SPEF2: variants seen among roughly 807,000 people sequenced by gnomAD.
SPEF2 encodes sperm flagellar and cilia associated 2.
A neutral mutation model predicts 224.6 loss-of-function variants in SPEF2; 187 were observed. The ratio of observed to expected loss-of-function variants is 0.83; its 90% CI spans 0.74 to 0.94. The LOEUF is 0.94. SPEF2 is among the 40% of genes least tolerant of loss of function. The probability of loss-of-function intolerance (pLI) is 0.00; values close to 1 mark genes in which losing one functional copy is unlikely to be tolerated. For missense variants in SPEF2, 2,170 were observed against 2,135.6 expected, an observed-to-expected ratio of 1.02 and a Z score of -0.32; for synonymous variants, 715 against 707.3, an observed-to-expected ratio of 1.01 and a Z score of -0.17.
chr5:35,669,171 TC>T (rs1402962426), intron 9 of SPEF2, among the ~76,000 whole-genome samples: 4 of 152,150 alleles, frequency 2.6e-5, no homozygotes, highest in African/African-American at 4.8e-5. Context: ...AATATATTTG[TC>T]CTTTTTCTGT....
chr5:35,695,890 A>G (rs955297128), intron 14 of SPEF2, 94 bp downstream of exon 14: 2 of 863,942 alleles, frequency 2.3e-6, no homozygotes, highest in Admixed American at 2.7e-5. Context: ...TGAAATTGCA[A>G]TGTGCTCTTC....
chr5:35,722,094 G>GAA (rs112401540), intron 20 of SPEF2, among the ~76,000 whole-genome samples: 1 of 143,960 alleles, frequency 6.9e-6, no homozygotes, highest in African/African-American at 2.5e-5. Flanking sequence ...GAAGAGGAAA[G>GAA]AAAAAAAAAA....
At chr5:35,733,341 C>T (rs145285156) in intron 21 of SPEF2, among the ~76,000 whole-genome samples, 2,675 of 152,246 alleles carry the variant, frequency 0.018, 41 homozygotes, top group East Asian at 0.065. Flanking sequence ...GTCGCGATCT[C>T]CTCACCTCGT....
intron 15 of SPEF2, chr5:35,698,367 A>C (rs944311178): frequency 6.6e-6 from 1 of 152,186 alleles, no homozygotes; most frequent in Admixed American, 6.6e-5. Context: ...TGACATTAAA[A>C]ATTTAAGTTG....
intron 33 of SPEF2, among the ~76,000 whole-genome samples, 186 bp from the exon 34 acceptor site, chr5:35,799,780 GCC>G (rs966541888): frequency 6.6e-6 from 1 of 151,910 alleles, no homozygotes; most frequent in Non-Finnish European, 1.5e-5. Context: ...ATATTTCAGG[GCC>G]CCACTTTTAC....
At chr5:35,687,487 T>C (rs1360105325) in intron 10 of SPEF2, among the ~76,000 whole-genome samples, 1 of 152,090 alleles carries the variant, frequency 6.6e-6, no homozygotes, top group East Asian at 1.9e-4. Flanking sequence ...AGATGGAGTC[T>C]AGCTCTGTCG....
chr5:35,742,709 AG>A (rs1747856405), intron 23 of SPEF2, among the ~76,000 whole-genome samples: 1 of 151,872 alleles, frequency 6.6e-6, no homozygotes, highest in South Asian at 2.1e-4. Context: ...TTTCTGCTGG[AG>A]CATGCTCTGT....
intron 30 of SPEF2, among the ~76,000 whole-genome samples, chr5:35,784,561 C>T (rs995558559): frequency 2.0e-5 from 3 of 152,158 alleles, no homozygotes; most frequent in East Asian, 3.8e-4. Flanking sequence ...GCTATTGCTG[C>T]CTATGTGAGT....
chr5:35,685,802 C>A (rs2149518586), intron 10 of SPEF2, among the ~76,000 whole-genome samples: 1 of 151,236 alleles, frequency 6.6e-6, no homozygotes, highest in Non-Finnish European at 1.5e-5. Flanking sequence ...GAGTTCCCCT[C>A]CAGAAAATGG....
chr5:35,807,975 G>A, intron 36 of SPEF2: 1 of 1,356,872 alleles, frequency 7.4e-7, no homozygotes, highest in Non-Finnish European at 9.5e-7. Flanking sequence ...TTTGACTCCT[G>A]TGAGTTGTGT....
intron 2 of SPEF2, among the ~76,000 whole-genome samples, chr5:35,634,101 T>C (rs1045734009): frequency 2.0e-5 from 3 of 152,166 alleles, no homozygotes; most frequent in African/African-American, 7.2e-5. Context: ...ATGTAGTTAC[T>C]TCTACTGATG....
chr5:35,806,272 C>T (rs1324315287), intron 34 of SPEF2, among the ~76,000 whole-genome samples: 1 of 152,172 alleles, frequency 6.6e-6, no homozygotes, highest in Non-Finnish European at 1.5e-5. Flanking sequence ...TTGGGATATC[C>T]TCCAGTGTCC....
intron 34 of SPEF2, among the ~76,000 whole-genome samples, chr5:35,803,432 T>C (rs1173303406): frequency 6.6e-6 from 1 of 152,176 alleles, no homozygotes; most frequent in Non-Finnish European, 1.5e-5. Context: ...AGAGCTCCTT[T>C]AAAATCCAAG....
In SPEF2 at chr5:35,727,948, GA is replaced by G. The variant is rs1435063616; in HGVS notation, c.3063+126del. The G allele has an allele frequency of 3.9e-6, 4 of 1,037,876 alleles. No homozygotes were observed. In the African/African-American group the frequency reaches 4.9e-5, roughly 13 times the overall value. 64.3% of individuals were successfully genotyped at this position (1,037,876 alleles called of 1,614,324 possible). A position where few individuals can be genotyped will look rare whatever the true frequency, so the allele number is the denominator to read the frequency against. On this transcript the variant is annotated intron_variant, in intron 21 of 36. Transcript: ENST00000356031. ...AGGTAATATATATCTATCCATCTGA[GA>G]TTTTTTTTAGAGACTACTCAATGAC...
At chr5:35,710,613 A>G (rs1305239195) in intron 19 of SPEF2, 1 of 985,030 alleles carries the variant, frequency 1.0e-6, no homozygotes, top group Non-Finnish European at 1.2e-6. Context: ...GGGTCAGGTG[A>G]GCCTAGAATT....
chr5:35,618,812 A>G (rs1325560202), intron 1 of SPEF2, among the ~76,000 whole-genome samples: 3 of 151,908 alleles, frequency 2.0e-5, no homozygotes, highest in Non-Finnish European at 4.4e-5. Context: ...ACATGCTGGC[A>G]GCTTCCTTGA....
chr5:35,713,023 A>G, intron 20 of SPEF2, 137 bp downstream of exon 20: 1 of 812,270 alleles, frequency 1.2e-6, no homozygotes, highest in East Asian at 2.7e-5. Flanking sequence ...CCCTTGCCAA[A>G]GAATATAGTC....
chr5:35,779,901 A>C (rs1454902054), intron 30 of SPEF2, among the ~76,000 whole-genome samples: 2 of 152,244 alleles, frequency 1.3e-5, no homozygotes, highest in Non-Finnish European at 2.9e-5. Flanking sequence ...ACATTTTATC[A>C]GCATGGACCT....
chr5:35,785,921 T>C (rs1403870011), intron 30 of SPEF2, among the ~76,000 whole-genome samples: 1 of 152,030 alleles, frequency 6.6e-6, no homozygotes, highest in Non-Finnish European at 1.5e-5. Context: ...GGAATACCCT[T>C]CCCCTGCTTT....
Sources: gnomAD v4.1 joint callset for allele counts (sites outside exome capture counted in the v4.1 genomes callset) on GRCh38, gnomAD v4.1.1 for gene constraint, MANE v1.5 for transcripts, NCBI Gene and HGNC (gene_info 2026-07-23, HGNC 2026-07-21) for gene names.